The following IPO11 variants were observed in gnomAD, a reference collection of about 807,000 sequenced individuals.
IPO11 encodes importin-11.
Under a neutral mutation model 143.2 loss-of-function variants are expected in IPO11, and 66 were observed. The observed-to-expected ratio is 0.46, with a 90% CI of 0.38 to 0.57. IPO11 has a LOEUF of 0.57. Ranked by LOEUF, IPO11 falls within the 20% of genes least tolerant of loss-of-function variation. The pLI is 0.00. For synonymous variants in IPO11, 385 were observed against 377.8 expected (o/e 1.02, Z -0.22); for missense variants, 1,026 against 1,141.0 (o/e 0.90, Z 1.45).
At chr5:62,474,390 A>G (rs1745884830) in intron 7 of IPO11, 26 bp from the exon 8 acceptor site, 1 of 1,325,412 alleles carries the variant, frequency 7.5e-7, no homozygotes, top group South Asian at 1.3e-5. Flanking sequence ...ATAAATTGAG[A>G]TATTTAAAAT....
intron 2 of IPO11, among the ~76,000 whole-genome samples, chr5:62,437,696 A>G (rs977005902): frequency 6.6e-6 from 1 of 152,054 alleles, no homozygotes; most frequent in African/African-American, 2.4e-5. Flanking sequence ...TACTATCAGG[A>G]CTCTAGGTAG....
intron 7 of IPO11, 143 bp downstream of exon 7, chr5:62,470,451 A>G: frequency 1.4e-6 from 1 of 719,852 alleles, no homozygotes. Flanking sequence ...TGACTTTTAG[A>G]CTTCTGGTCT....
At chr5:62,577,526 A>G (rs922036630) in intron 27 of IPO11, among the ~76,000 whole-genome samples, 12 of 152,132 alleles carry the variant, frequency 7.9e-5, no homozygotes, top group African/African-American at 2.9e-4. Flanking sequence ...ATCACCTTGT[A>G]TATTATTGGA....
At chr5:62,543,846 C>T (rs751815273) in intron 24 of IPO11, among the ~76,000 whole-genome samples, 3 of 152,074 alleles carry the variant, frequency 2.0e-5, no homozygotes, top group African/African-American at 2.4e-5. Context: ...TCTGTCTACA[C>T]GCTGCTTTAA....
chr5:62,513,577 G>T (rs1311125676), intron 19 of IPO11, among the ~76,000 whole-genome samples: 5 of 144,480 alleles, frequency 3.5e-5, no homozygotes. Context: ...GGGGCGGCTG[G>T]CTGGGCAGAC....
chr5:62,511,687 A>G (rs1171416835), intron 19 of IPO11, among the ~76,000 whole-genome samples: 1 of 152,194 alleles, frequency 6.6e-6, no homozygotes, highest in African/African-American at 2.4e-5. Context: ...TTTAATCCAG[A>G]TATTCAAGTA....
chr5:62,440,981 A>G (rs1324198800), intron 2 of IPO11, among the ~76,000 whole-genome samples: 1 of 151,876 alleles, frequency 6.6e-6, no homozygotes, highest in African/African-American at 2.4e-5. Flanking sequence ...AAAACTTACA[A>G]ATGTTTTTCT....
chr5:62,536,648 A>T, intron 22 of IPO11, 54 bp from the exon 23 acceptor site: 1 of 1,548,528 alleles, frequency 6.5e-7, no homozygotes, highest in South Asian at 1.2e-5. Flanking sequence ...ATTTAAACTA[A>T]TTTTGAGCAG....
At chr5:62,436,440 C>A (rs544111207) in intron 1 of IPO11, among the ~76,000 whole-genome samples, 1 of 152,292 alleles carries the variant, frequency 6.6e-6, no homozygotes, top group South Asian at 2.1e-4. Flanking sequence ...GACTTATTTT[C>A]TGTCAATATT....
intron 29 of IPO11, among the ~76,000 whole-genome samples, chr5:62,617,531 GCACAC>G (rs1344200883): frequency 6.6e-6 from 1 of 152,040 alleles, no homozygotes; most frequent in Non-Finnish European, 1.5e-5. Flanking sequence ...ATGTGCCATA[GCACAC>G]CCCTAAATAT....
intron 20 of IPO11, among the ~76,000 whole-genome samples, chr5:62,517,400 GTT>G (rs1268444810): frequency 1.3e-5 from 2 of 152,052 alleles, no homozygotes; most frequent in Non-Finnish European, 2.9e-5. Context: ...TCTGCCAAAT[GTT>G]TTTTGTTTTC....
intron 1 of IPO11, chr5:62,422,671 T>G (rs1230787129): frequency 6.6e-6 from 1 of 152,218 alleles, no homozygotes; most frequent in Non-Finnish European, 1.5e-5. Context: ...AAGAGACTTA[T>G]TGCAGTTTAT....
intron 5 of IPO11, among the ~76,000 whole-genome samples, chr5:62,461,977 A>G (rs1745375719): frequency 6.6e-6 from 1 of 152,214 alleles, no homozygotes. Context: ...TCGGGTTTTC[A>G]GATTTGAGAT....
intron 28 of IPO11, among the ~76,000 whole-genome samples, chr5:62,595,720 T>C (rs879608659): frequency 6.6e-6 from 1 of 152,144 alleles, no homozygotes; most frequent in Non-Finnish European, 1.5e-5. Context: ...AGAATGTGTT[T>C]ATTTGTTGGG....
intron 4 of IPO11, 49 bp from the exon 5 acceptor site, chr5:62,451,681 A>T (rs759304359): frequency 3.6e-6 from 5 of 1,394,416 alleles, no homozygotes; most frequent in Non-Finnish European, 5.1e-6. Context: ...CCGTGAATGC[A>T]TTCCTTATCT....
chr5:62,587,181 C>CTG (rs148859149), intron 27 of IPO11, among the ~76,000 whole-genome samples: 2 of 151,212 alleles, frequency 1.3e-5, no homozygotes, highest in Non-Finnish European at 3.0e-5. Context: ...GGCGACACTG[C>CTG]TGTGTGTGTG....
At chr5:62,454,745 C>T (rs1047905755) in intron 5 of IPO11, among the ~76,000 whole-genome samples, 2 of 152,204 alleles carry the variant, frequency 1.3e-5, no homozygotes, top group African/African-American at 2.4e-5. Flanking sequence ...CTCAGATTCA[C>T]TACAGTGTAG....
At chr5:62,490,303 C>T (rs927092268) in intron 15 of IPO11, 83 bp downstream of exon 15, 4 of 832,720 alleles carry the variant, frequency 4.8e-6, no homozygotes, top group Non-Finnish European at 7.1e-6. Context: ...ATTAAAATGG[C>T]TTACAATTTA....
chr5:62,591,905 A>G (rs984311639), intron 28 of IPO11, among the ~76,000 whole-genome samples: 2 of 152,214 alleles, frequency 1.3e-5, no homozygotes, highest in African/African-American at 2.4e-5. Flanking sequence ...GATGGAGTGC[A>G]GTGGTGCGAT....
Sources: gnomAD v4.1 joint callset for allele counts (sites outside exome capture counted in the v4.1 genomes callset) on GRCh38, gnomAD v4.1.1 for gene constraint, MANE v1.5 for transcripts, NCBI Gene and HGNC (gene_info 2026-07-23, HGNC 2026-07-21) for gene names.